The following MYOM3 variants were observed in gnomAD, a reference collection of about 807,000 sequenced individuals.
The protein encoded by MYOM3 is myomesin-3.
Under a neutral mutation model 191.7 loss-of-function variants are expected in MYOM3, and 155 were observed. The observed-to-expected ratio is 0.81, with a 90% confidence interval of 0.71 to 0.92. The LOEUF (loss-of-function observed/expected upper bound fraction) is 0.92. Among genes scored for constraint, MYOM3 ranks in the 40% least tolerant of loss-of-function variants. The pLI, the probability that MYOM3 is intolerant of heterozygous loss-of-function variation, is 0.00. For synonymous variants in MYOM3, 757 were observed against 762.9 expected, an observed-to-expected ratio of 0.99 and a Z score of 0.13; for missense variants, 1,889 against 1,890.6, an observed-to-expected ratio of 1.00 and a Z score of 0.02.
At chr1:24,074,778 G>A (rs1643575932) in intron 22 of MYOM3, among the ~76,000 whole-genome samples, 1 of 152,292 alleles carries the variant, frequency 6.6e-6, no homozygotes, top group Non-Finnish European at 1.5e-5. Flanking sequence ...TACAGAAAAG[G>A]AATCTCCAAA....
chr1:24,081,890 G>A (rs1643673992), intron 18 of MYOM3, 111 bp downstream of exon 18: 2 of 1,068,506 alleles, frequency 1.9e-6, no homozygotes, highest in East Asian at 2.6e-5. Flanking sequence ...GGCTGAGGCA[G>A]GGGAACTTGA....
At chr1:24,110,394 A>G (rs1322523816) in intron 1 of MYOM3, among the ~76,000 whole-genome samples, 2 of 151,906 alleles carry the variant, frequency 1.3e-5, no homozygotes, top group East Asian at 3.9e-4. Flanking sequence ...GTGCATGTGT[A>G]GGCTGTCTTC....
intron 8 of MYOM3, 150 bp downstream of exon 8, chr1:24,095,292 C>T: frequency 1.3e-6 from 1 of 773,534 alleles, no homozygotes; most frequent in Non-Finnish European, 2.2e-6. Context: ...CTTTAGAAGT[C>T]AGGTGCAGGT....
intron 6 of MYOM3, among the ~76,000 whole-genome samples, 196 bp downstream of exon 6, chr1:24,099,484 A>G (rs1245295667): frequency 8.4e-6 from 1 of 119,546 alleles, no homozygotes; most frequent in Non-Finnish European, 1.6e-5. Context: ...TCCATTCCAG[A>G]CCTGCTTAAT....
Position 24,067,064 on chromosome 1 carries a change from T to C in MYOM3, c.3380A>G (p.Gln1127Arg). ...KQGPYFERPLQWKVTEDCQVQ... is the reference protein window; with the variant it reads ...KQGPYFERPLRWKVTEDCQVQ... ...TTGGCAGTCCTCCGTGACCTTCCACTGCAACGGCCGCTCAAAATAGGGACC... is the reference window on the plus strand; with the variant it reads ...TTGGCAGTCCTCCGTGACCTTCCACCGCAACGGCCGCTCAAAATAGGGACC... The change falls in exon 28 of 37, where the codon CAG becomes CGG. Residue 1127 changes from glutamine (Q) to arginine (R), a missense_variant. Physicochemically the swap from Gln to Arg is conservative, Grantham distance 43. Coordinates refer to ENST00000374434, the MANE Select transcript of MYOM3 (RefSeq NM_152372.4). 1 of 1,579,138 alleles carries C rather than the reference T, an allele frequency of 6.3e-7. No homozygotes were observed. Among genetic ancestry groups the C allele is most frequent in the Non-Finnish European group, 8.6e-7 (1 of 1,160,304 alleles).
intron 20 of MYOM3, among the ~76,000 whole-genome samples, chr1:24,079,256 G>A (rs900159903): frequency 1.3e-5 from 2 of 152,104 alleles, no homozygotes; most frequent in Admixed American, 1.3e-4. Flanking sequence ...CTGGAGTGCA[G>A]TGGTACGATC....
chr1:24,096,111 C>T (rs1643877201), intron 7 of MYOM3, among the ~76,000 whole-genome samples: 1 of 152,224 alleles, frequency 6.6e-6, no homozygotes, highest in South Asian at 2.1e-4. Context: ...CACAGCCGTC[C>T]AGACAACACC....
chr1:24,102,040 G>A (rs1643940811), intron 5 of MYOM3, among the ~76,000 whole-genome samples: 1 of 151,910 alleles, frequency 6.6e-6, no homozygotes, highest in African/African-American at 2.4e-5. Context: ...CCATGGAATG[G>A]AGTCTCATGG....
rs1402016780 is a variant in MYOM3, at chr1:24,075,574, TTAA to T, written c.2702-102_2702-100del. 3.9e-6 allele frequency: 5 copies of T among 1,293,162 alleles called. No homozygotes were observed. The African/African-American group carries it at 7.6e-5, about 20-fold the overall frequency. 80.1% of individuals were successfully genotyped at this position (1,293,162 alleles called of 1,614,324 possible). ...AACCTCCAGGGCCTGCCTGTTGCAC[TTAA>T]TAATAAACTTGACTCCTTGCTGTGG... On this transcript the variant is annotated intron_variant, in intron 21 of 36. Coordinates refer to ENST00000374434, the MANE Select transcript of MYOM3 (RefSeq NM_152372.4).
intron 22 of MYOM3, 104 bp from the exon 23 acceptor site, chr1:24,074,373 C>T: frequency 1.3e-6 from 1 of 752,586 alleles, no homozygotes; most frequent in South Asian, 1.8e-5. Flanking sequence ...GAGCCTGTAC[C>T]CCAAGCAGAC....
intron 4 of MYOM3, 110 bp from the exon 5 acceptor site, chr1:24,106,187 C>A (rs963204925): frequency 5.7e-5 from 72 of 1,252,226 alleles, no homozygotes; most frequent in Non-Finnish European, 7.0e-5. Context: ...CCCACATGGG[C>A]TGGAGTTCCC....
At chr1:24,105,781 A>C in intron 5 of MYOM3, 139 bp downstream of exon 5, 1 of 840,168 alleles carries the variant, frequency 1.2e-6, no homozygotes, top group Non-Finnish European at 1.8e-6. Context: ...CTGGTTCCCC[A>C]GCAGCTGCTC....
In MYOM3 at chr1:24,056,724, C is replaced by G. The variant is rs1167252621; in HGVS notation, c.*640G>C. ...CCCCTGTTGGGACGACCCTCTGTCTCCCTCCTTGGACCACTGGCGGCACTT... is the reference window on the plus strand; with the variant it reads ...CCCCTGTTGGGACGACCCTCTGTCTGCCTCCTTGGACCACTGGCGGCACTT... On this transcript the variant is annotated 3_prime_UTR_variant, in exon 37 of 37. Transcript: ENST00000374434. 1 of 152,576 alleles carries G rather than the reference C, an allele frequency of 6.6e-6. No individual in the cohort carries two copies. 9.5% of individuals were successfully genotyped at this position (152,576 alleles called of 1,614,324 possible). A position where few individuals can be genotyped will look rare whatever the true frequency, so the allele number is the denominator to read the frequency against.
At chr1:24,077,498 G>T (rs535860071) in intron 20 of MYOM3, among the ~76,000 whole-genome samples, 21 of 152,112 alleles carry the variant, frequency 1.4e-4, no homozygotes, top group African/African-American at 5.1e-4. Context: ...ATGCCGTCCC[G>T]CCTCCCTCCT....
chr1:24,061,539 A>G (rs1170378860), intron 33 of MYOM3, among the ~76,000 whole-genome samples: 1 of 152,016 alleles, frequency 6.6e-6, no homozygotes, highest in Admixed American at 6.6e-5. Flanking sequence ...TTTTTTAAAA[A>G]TATTTCTTTC....
chr1:24,080,137 C>T lies in MYOM3; in HGVS notation c.2465G>A (p.Trp822Ter), dbSNP rs1643649320. ...EVRATSLVLQ[W>*]EPPLYMGAGP... ...AGCCCCCATATACAGTGGGGGTTCC[C>T]ACTGCAGCACCAGGGATGTGGCCCG... The change falls in exon 20 of 37, where the codon TGG (tryptophan) becomes TAG (stop). Residue 822 changes from tryptophan (W) to a stop codon, truncating the protein, a stop_gained. Transcript: ENST00000374434. LOFTEE classifies it high-confidence loss of function. 2 of 1,613,868 alleles carry T rather than the reference C, an allele frequency of 1.2e-6. No homozygotes were observed. The highest frequency in any genetic ancestry group is 1.7e-6 in the Non-Finnish European group (2 of 1,179,846).
At chr1:24,088,607 G>C (rs943514653) in intron 14 of MYOM3, among the ~76,000 whole-genome samples, 15 of 152,172 alleles carry the variant, frequency 9.9e-5, no homozygotes, top group Admixed American at 3.9e-4. Context: ...GGAGAAAAAG[G>C]ATTACCCATG....
rs1202175420 is a variant in MYOM3, at chr1:24,095,005, A to G, written c.791-15T>C. 4 of 1,609,050 alleles carry G rather than the reference A, an allele frequency of 2.5e-6. No individual in the cohort carries two copies. Among genetic ancestry groups the G allele is most frequent in the East Asian group, 2.2e-5 (1 of 44,850 alleles). Reference sequence around the variant, plus strand: ...AAACGTCGATCCTGGCGTGGGAATGAAATTTGGGGCAGAAGTTTTTGAGGC... The same window carrying G: ...AAACGTCGATCCTGGCGTGGGAATGGAATTTGGGGCAGAAGTTTTTGAGGC... On this transcript the variant is annotated splice_polypyrimidine_tract_variant and intron_variant, in intron 8 of 36. Coordinates refer to ENST00000374434, the MANE Select transcript of MYOM3 (RefSeq NM_152372.4).
At chr1:24,076,359 A>C in intron 20 of MYOM3, 86 bp from the exon 21 acceptor site, 2 of 934,092 alleles carry the variant, frequency 2.1e-6, no homozygotes, top group Non-Finnish European at 3.5e-6. Context: ...AGCCACTCTC[A>C]ATAAGAAAAC....
Sources: gnomAD v4.1 joint callset for allele counts (sites outside exome capture counted in the v4.1 genomes callset) on GRCh38, gnomAD v4.1.1 for gene constraint, MANE v1.5 for transcripts, NCBI Gene and HGNC (gene_info 2026-07-23, HGNC 2026-07-21) for gene names.